Variants in MRPS6 observed in about 807,000 individuals in gnomAD.
The protein encoded by MRPS6 is small ribosomal subunit protein bS6m.
In MRPS6, 6 loss-of-function variants were observed where a neutral mutation model predicts 13.1. The observed-to-expected ratio is 0.46, with a 90% CI of 0.25 to 0.91. The LOEUF is 0.91. MRPS6 is among the 40% of genes least tolerant of loss of function. The probability of loss-of-function intolerance (pLI) is 0.18; values close to 1 mark genes in which losing one functional copy is unlikely to be tolerated. For synonymous variants in MRPS6, 61 were observed against 56.5 expected (o/e 1.08, Z -0.36); for missense variants, 164 against 155.6 (o/e 1.05, Z -0.29).
At chr21:34,087,006 A>T (rs1978423455) in intron 1 of MRPS6, among the ~76,000 whole-genome samples, 1 of 152,200 alleles carries the variant, frequency 6.6e-6, no homozygotes, top group African/African-American at 2.4e-5. Flanking sequence ...GTGGATGTCG[A>T]CAGTTGCAGC....
chr21:34,098,094 T>C, intron 1 of MRPS6: 2 of 999,352 alleles, frequency 2.0e-6, no homozygotes, highest in Non-Finnish European at 2.4e-6. Flanking sequence ...GTTAAATGAT[T>C]ATGGGGGAGA....
At chr21:34,115,333 A>G (rs1979859396) in intron 1 of MRPS6, among the ~76,000 whole-genome samples, 3 of 152,198 alleles carry the variant, frequency 2.0e-5, no homozygotes, top group African/African-American at 7.2e-5. Context: ...CTGCATGGCC[A>G]TAGAATGGGC....
In MRPS6 at chr21:34,125,182, T is replaced by C. The variant is rs573391138; in HGVS notation, c.46-159T>C. Reference sequence around the variant, plus strand: ...TCCTTACAATAAATTCTCTCTCTCTTTTATTTTAAGTTAACCAAAACCAGC... The same window carrying C: ...TCCTTACAATAAATTCTCTCTCTCTCTTATTTTAAGTTAACCAAAACCAGC... On this transcript the variant is annotated intron_variant, in intron 1 of 2. Transcript: ENST00000399312. 4.5e-5 allele frequency: 50 copies of C among 1,114,848 alleles called. No individual in the cohort carries two copies. The African/African-American group carries it at 7.5e-4, about 17-fold the overall frequency. The allele number at this position is 1,114,848 out of a possible 1,614,324, so 69.1% of individuals were successfully genotyped here. A position where few individuals can be genotyped will look rare whatever the true frequency, so the allele number is the denominator to read the frequency against.
chr21:34,125,159 C>T (rs1980255792), intron 1 of MRPS6, 182 bp from the exon 2 acceptor site: 1 of 969,498 alleles, frequency 1.0e-6, no homozygotes, highest in South Asian at 1.9e-5. Context: ...ATCTCATATC[C>T]TTACAATAAA....
intron 1 of MRPS6, among the ~76,000 whole-genome samples, chr21:34,121,226 G>A (rs1464247290): frequency 1.3e-5 from 2 of 152,080 alleles, no homozygotes; most frequent in African/African-American, 4.8e-5. Flanking sequence ...TCAGAATTGG[G>A]GGGCATAAAA....
chr21:34,120,911 A>AG (rs1476958997), intron 1 of MRPS6, among the ~76,000 whole-genome samples: 3 of 152,174 alleles, frequency 2.0e-5, no homozygotes, highest in African/African-American at 7.2e-5. Context: ...AGTGGCTTCA[A>AG]GTTATGTTAG....
At chr21:34,086,635 A>G (rs955802081) in intron 1 of MRPS6, among the ~76,000 whole-genome samples, 2 of 151,842 alleles carry the variant, frequency 1.3e-5, no homozygotes, top group Non-Finnish European at 2.9e-5. Flanking sequence ...GATCCTCTCA[A>G]ATGTCCTCAG....
chr21:34,132,189 G>T (rs1435239796), intron 2 of MRPS6, among the ~76,000 whole-genome samples: 1 of 152,142 alleles, frequency 6.6e-6, no homozygotes, highest in East Asian at 1.9e-4. Context: ...GAAGAGGTCG[G>T]GAGGGGGTTG....
chr21:34,084,293 G>A (rs560971688), intron 1 of MRPS6, among the ~76,000 whole-genome samples: 2 of 152,230 alleles, frequency 1.3e-5, no homozygotes, highest in South Asian at 4.1e-4. Context: ...CTTGTGCTTA[G>A]GTTTTCTGCC....
intron 1 of MRPS6, chr21:34,100,148 A>G: frequency 1.0e-6 from 1 of 999,960 alleles, no homozygotes; most frequent in Non-Finnish European, 1.2e-6. Flanking sequence ...GCTAAAAGTC[A>G]AAATGAGGTG....
intron 2 of MRPS6, among the ~76,000 whole-genome samples, chr21:34,132,984 G>A (rs1308607503): frequency 6.6e-6 from 1 of 152,154 alleles, no homozygotes; most frequent in East Asian, 1.9e-4. Flanking sequence ...CAACGTGTAG[G>A]AAACCACTTT....
chr21:34,118,352 C>T (rs1980001646), intron 1 of MRPS6, among the ~76,000 whole-genome samples: 1 of 151,620 alleles, frequency 6.6e-6, no homozygotes, highest in Admixed American at 6.6e-5. Flanking sequence ...TTTTTTTTTC[C>T]AAAATGTTGT....
At chr21:34,126,814 T>G (rs891587320) in intron 2 of MRPS6, among the ~76,000 whole-genome samples, 1 of 152,192 alleles carries the variant, frequency 6.6e-6, no homozygotes, top group Admixed American at 6.5e-5. Flanking sequence ...GATTTGACTT[T>G]GTTGAGAGTT....
chr21:34,092,968 G>T (rs968390851), intron 1 of MRPS6, among the ~76,000 whole-genome samples: 1 of 152,136 alleles, frequency 6.6e-6, no homozygotes, highest in African/African-American at 2.4e-5. Flanking sequence ...TCATAACTGC[G>T]AACAGCAGTT....
chr21:34,103,090 A>G lies in MRPS6; in HGVS notation c.46-22251A>G, dbSNP rs575737491. On this transcript the variant is annotated intron_variant, in intron 1 of 2. Transcript: ENST00000399312. ...ATTAGTAACTCATCTTTTTGTTGTTATAATTGGAAACAGAAACGAGGCTTA... is the reference window on the plus strand; with the variant it reads ...ATTAGTAACTCATCTTTTTGTTGTTGTAATTGGAAACAGAAACGAGGCTTA... 182 of 1,000,084 alleles carry G rather than the reference A, an allele frequency of 1.8e-4. No individual in the cohort carries two copies. The Middle Eastern group carries it at 2.6e-3, about 14-fold the overall frequency. 62.0% of individuals were successfully genotyped at this position (1,000,084 alleles called of 1,614,324 possible). A position where few individuals can be genotyped will look rare whatever the true frequency, so the allele number is the denominator to read the frequency against.
chr21:34,135,786 C>G, intron 2 of MRPS6: 1 of 513,534 alleles, frequency 1.9e-6, no homozygotes, highest in Non-Finnish European at 3.9e-6. Context: ...TGCGCACAGT[C>G]ATGAGCTTCT....
chr21:34,111,845 G>T (rs1979710792), intron 1 of MRPS6, among the ~76,000 whole-genome samples: 1 of 141,980 alleles, frequency 7.0e-6, no homozygotes, highest in Non-Finnish European at 1.6e-5. Flanking sequence ...CAGAGTTGAG[G>T]TTTTTTTTTT....
At chr21:34,130,820 G>C (rs976123782) in intron 2 of MRPS6, among the ~76,000 whole-genome samples, 1 of 152,194 alleles carries the variant, frequency 6.6e-6, no homozygotes, top group Non-Finnish European at 1.5e-5. Flanking sequence ...GTGGGTCAAA[G>C]TTACGTGCTT....
At chr21:34,110,174 C>T (rs892159777) in intron 1 of MRPS6, among the ~76,000 whole-genome samples, 8 of 152,104 alleles carry the variant, frequency 5.3e-5, no homozygotes, top group African/African-American at 1.2e-4. Flanking sequence ...TTAAAAGCTG[C>T]GTAGTTGGCT....
Sources: gnomAD v4.1 joint callset for allele counts (sites outside exome capture counted in the v4.1 genomes callset) on GRCh38, gnomAD v4.1.1 for gene constraint, MANE v1.5 for transcripts, NCBI Gene and HGNC (gene_info 2026-07-23, HGNC 2026-07-21) for gene names.